Variants in ZNF831 observed in about 807,000 individuals in gnomAD.
ZNF831 encodes chromosome 20 open reading frame 174.
ZNF831 carries 59 observed loss-of-function variants against 95.8 expected under a neutral mutation model. The ratio of observed to expected loss-of-function variants is 0.62; its 90% confidence interval spans 0.50 to 0.77. ZNF831 has a LOEUF of 0.77. ZNF831 is among the 30% of genes least tolerant of loss of function. ZNF831 has a pLI of 0.00. For synonymous variants in ZNF831, 961 were observed against 925.5 expected, an observed-to-expected ratio of 1.04 and a Z score of -0.70; for missense variants, 2,205 against 2,164.0, an observed-to-expected ratio of 1.02 and a Z score of -0.38.
chr20:59,161,542 G>T (rs555158345), upstream of ZNF831, among the ~76,000 whole-genome samples: 1 of 152,228 alleles, frequency 6.6e-6, no homozygotes, highest in African/African-American at 2.4e-5. Context: ...GCCTCCCAAA[G>T]TGCTGGGATT....
At chr20:59,130,337 G>A (rs995528927) in intron 1 of ZNF831, among the ~76,000 whole-genome samples, 3 of 152,182 alleles carry the variant, frequency 2.0e-5, no homozygotes, top group Non-Finnish European at 4.4e-5. Context: ...GATGTGAACT[G>A]TCGTAGCCAT....
At chr20:59,229,502 C>T (rs143203210) in intron 4 of ZNF831, among the ~76,000 whole-genome samples, 30 of 152,246 alleles carry the variant, frequency 2.0e-4, no homozygotes, top group South Asian at 8.3e-4. Context: ...GGCATGAATA[C>T]GGGGAGTGGT....
At chr20:59,184,733 C>T (rs887241541) in intron 1 of ZNF831, among the ~76,000 whole-genome samples, 4 of 152,176 alleles carry the variant, frequency 2.6e-5, no homozygotes, top group African/African-American at 9.7e-5. Flanking sequence ...CCTTCTCTTT[C>T]GGGGCCCTAA....
intron 4 of ZNF831, among the ~76,000 whole-genome samples, chr20:59,233,480 C>T (rs1986848191): frequency 6.6e-6 from 1 of 152,108 alleles, no homozygotes; most frequent in South Asian, 2.1e-4. Context: ...AGCCAAAACG[C>T]AAAGCAAATG....
intron 2 of ZNF831, among the ~76,000 whole-genome samples, chr20:59,148,777 G>A (rs182454669): frequency 7.0e-6 from 1 of 142,926 alleles, no homozygotes; most frequent in African/African-American, 2.6e-5. Context: ...ATGTCTTGAG[G>A]CTCAATTCCA....
Position 59,256,557 on chromosome 20 carries a change from T to A in ZNF831, c.*1814T>A, listed in dbSNP as rs570343325. 6.6e-6 allele frequency: 1 copy of A among 152,362 alleles called. No homozygotes were observed. Among genetic ancestry groups the A allele is most frequent in the African/African-American group, 2.4e-5 (1 of 41,584 alleles). 9.4% of individuals were successfully genotyped at this position (152,362 alleles called of 1,614,324 possible). A position where few individuals can be genotyped will look rare whatever the true frequency, so the allele number is the denominator to read the frequency against. ...GAAATCTTGGTTAAGAGTCTTTCTG[T>A]ACCTTAGTTTCCCTAAGTGAGAATA... On this transcript the variant is annotated 3_prime_UTR_variant, in exon 6 of 6. Transcript: ENST00000371030.
At chr20:59,209,264 G>A (rs1347810132) in intron 4 of ZNF831, among the ~76,000 whole-genome samples, 1 of 152,200 alleles carries the variant, frequency 6.6e-6, no homozygotes, top group African/African-American at 2.4e-5. Context: ...ATAAACACAT[G>A]TGCATGACAG....
intron 3 of ZNF831, among the ~76,000 whole-genome samples, chr20:59,198,404 T>A (rs1984278588): frequency 6.6e-6 from 1 of 152,248 alleles, no homozygotes; most frequent in Admixed American, 6.5e-5. Context: ...CAGATGGAGA[T>A]GAGCAGTGGC....
At chr20:59,145,132 T>C (rs773866099) in intron 1 of ZNF831, among the ~76,000 whole-genome samples, 18 of 152,234 alleles carry the variant, frequency 1.2e-4, no homozygotes, top group South Asian at 4.1e-4. Flanking sequence ...TTGATAACCA[T>C]GTGTGGCACC....
intron 1 of ZNF831, among the ~76,000 whole-genome samples, chr20:59,141,462 T>G (rs1027520694): frequency 3.3e-5 from 5 of 152,254 alleles, no homozygotes; most frequent in Non-Finnish European, 5.9e-5. Flanking sequence ...CAGCACCGTT[T>G]GTTGAAAAGA....
chr20:59,219,122 T>C (rs1027561747), intron 4 of ZNF831, among the ~76,000 whole-genome samples: 2 of 152,154 alleles, frequency 1.3e-5, no homozygotes, highest in African/African-American at 4.8e-5. Flanking sequence ...CATGCAGACA[T>C]GGGGAAACCA....
In ZNF831 at chr20:59,254,333, C is replaced by T. The variant is rs542888033; in HGVS notation, c.4624C>T (p.Leu1542Phe). The stretch of plus-strand genomic sequence containing the variant: ...CACAGAAGAGGGCAGAGCACAGACC[C>T]TCTTGCCAGGGAGACCTTCATCTGG... ...KVTEEGRAQTLLPGRPSSGQR... is the reference protein window; with the variant it reads ...KVTEEGRAQTFLPGRPSSGQR... The change falls in exon 6 of 6, where the codon CTC becomes TTC. Residue 1542 changes from leucine (L) to phenylalanine (F), a missense_variant. Physicochemically the swap from Leu to Phe is conservative, Grantham distance 22. Coordinates refer to ENST00000371030, the MANE Select transcript of ZNF831 (RefSeq NM_178457.3). The surrounding 1 kb of genome is among the most constrained non-coding windows in gnomAD (Gnocchi z 4.5). 6.2e-7 allele frequency: 1 copy of T among 1,614,086 alleles called. No individual in the cohort carries two copies. The highest frequency in any genetic ancestry group is 1.1e-5 in the South Asian group (1 of 91,078).
chr20:59,192,105 C>T lies in ZNF831; in HGVS notation c.1086C>T (p.Pro362=), dbSNP rs2146559858. 6.3e-7 allele frequency: 1 copy of T among 1,587,328 alleles called. No individual in the cohort carries two copies. The change falls in exon 2 of 6, where the codon CCC becomes CCT. Residue 362 remains proline, a synonymous_variant. Coordinates refer to ENST00000371030, the MANE Select transcript of ZNF831 (RefSeq NM_178457.3). This position sits in a 1 kb window ranked among gnomAD's most constrained non-coding sequence, Gnocchi z 5.2. ...AGCAGCCGCATGCGCCCTGCAGCCC[C>T]CTGCACAGCCTTTCGGAGCACAGCG... ...SAEQPHAPCS[P]LHSLSEHSAE...
intron 3 of ZNF831, among the ~76,000 whole-genome samples, chr20:59,201,388 G>A (rs545161112): frequency 5.3e-5 from 8 of 152,026 alleles, no homozygotes; most frequent in Admixed American, 4.6e-4. Context: ...GTTCCTTATC[G>A]GAGATGTGAT....
At position 59,257,568 on chromosome 20, in the gene ZNF831, A is replaced by C. The variant is rs1988240754; in HGVS notation, c.*2825A>C. 1 of 152,196 alleles carries C rather than the reference A, an allele frequency of 6.6e-6. No individual in the cohort carries two copies. Among genetic ancestry groups the C allele is most frequent in the Admixed American group, 6.5e-5 (1 of 15,286 alleles). 9.4% of individuals were successfully genotyped at this position (152,196 alleles called of 1,614,324 possible). ...ACCCAGTTTGGGTTACTAAAAATAA[A>C]ATGTCAGTATTATCAATTGATAACT... is the stretch of plus-strand genomic sequence containing the variant. On this transcript the variant is annotated 3_prime_UTR_variant, in exon 6 of 6. Coordinates refer to ENST00000371030, the MANE Select transcript of ZNF831 (RefSeq NM_178457.3).
At chr20:59,220,290 A>G (rs1341567350) in intron 4 of ZNF831, among the ~76,000 whole-genome samples, 1 of 152,194 alleles carries the variant, frequency 6.6e-6, no homozygotes, top group African/African-American at 2.4e-5. Context: ...GGGACACAAA[A>G]GGCAAGACTC....
chr20:59,208,645 G>A lies in ZNF831; in HGVS notation c.4027+1589G>A, dbSNP rs1323942614. ...GGCATGGGAACTCCAAGTACGAAGT[G>A]AGCCTCGGGGGTCATGGTACTTGCT... On this transcript the variant is annotated intron_variant, in intron 4 of 5. Coordinates refer to ENST00000371030, the MANE Select transcript of ZNF831 (RefSeq NM_178457.3). This position sits in a 1 kb window ranked among gnomAD's most constrained non-coding sequence, Gnocchi z 4.2. Among the ~76,000 whole-genome samples the A allele has an allele frequency of 1.3e-5, 2 of 152,180 alleles. No individual in the cohort carries two copies. Among genetic ancestry groups the A allele is most frequent in the Non-Finnish European group, 2.9e-5 (2 of 68,032 alleles).
upstream of ZNF831, among the ~76,000 whole-genome samples, chr20:59,161,522 G>A (rs753114483): frequency 2.0e-5 from 3 of 152,124 alleles, no homozygotes; most frequent in African/African-American, 4.8e-5. Context: ...CAAGTGATCC[G>A]CCTGCCTTGG....
intron 3 of ZNF831, among the ~76,000 whole-genome samples, chr20:59,206,336 TAAATC>T (rs1373493600): frequency 2.6e-5 from 4 of 152,196 alleles, no homozygotes; most frequent in African/African-American, 9.6e-5. Context: ...TGAAGACAAA[TAAATC>T]AGATGATCCA....
Sources: allele counts gnomAD v4.1 joint callset (sites outside exome capture counted in the v4.1 genomes callset), GRCh38; gene constraint gnomAD v4.1.1; non-coding constraint Gnocchi (gnomAD v3.1); transcripts MANE v1.5; gene names NCBI Gene and HGNC (gene_info 2026-07-23, HGNC 2026-07-21).